Variants in MYH16 observed in about 807,000 individuals in gnomAD.
MYH16 encodes myosin heavy chain 16, also known as putative uncharacterized protein MYH16.
At chr7:99,304,489 C>T (rs1792652138) in intron 39 of MYH16, 97 bp from the exon 21 acceptor site, 2 of 152,304 alleles carry the variant, frequency 1.3e-5, no homozygotes, top group Admixed American at 6.5e-5. Context: ...AGTTGGTTTC[C>T]TAGAGACCGG....
chr7:99,294,944 G>T (rs1255592845), intron 33 of MYH16, among the ~76,000 whole-genome samples: 1 of 152,168 alleles, frequency 6.6e-6, no homozygotes, highest in Non-Finnish European at 1.5e-5. Flanking sequence ...GGAAGCTAAG[G>T]CATGAGGATC....
At chr7:99,278,932 C>T (rs1792156374) in intron 21 of MYH16, among the ~76,000 whole-genome samples, 1 of 152,174 alleles carries the variant, frequency 6.6e-6, no homozygotes, top group Non-Finnish European at 1.5e-5. Flanking sequence ...TGGCTCATGC[C>T]CATAAACCCA....
chr7:99,254,166 T>C (rs747317219), intron 8 of MYH16: 4 of 152,136 alleles, frequency 2.6e-5, no homozygotes, highest in Non-Finnish European at 5.9e-5. Context: ...GGAGAATCAG[T>C]TGAACCTGGG....
chr7:99,308,572 G>A (rs773107821), downstream of MYH16, among the ~76,000 whole-genome samples: 5 of 152,078 alleles, frequency 3.3e-5, no homozygotes, highest in African/African-American at 4.8e-5. Context: ...ACATGGTCCC[G>A]GGACCAGCAG....
intron 29 of MYH16, 81 bp from the exon 11 acceptor site, chr7:99,289,206 G>C: frequency 4.3e-6 from 1 of 230,968 alleles, no homozygotes; most frequent in East Asian, 1.6e-4. Flanking sequence ...GGAAGAACAG[G>C]GCAAAAATCA....
At chr7:99,260,306 T>C in exon 12 of MYH16, 1 of 1,477,760 alleles carries the variant, frequency 6.8e-7, no homozygotes, top group Non-Finnish European at 9.4e-7. Flanking sequence ...GGCCTCGACC[T>C]TCAGGCCTGC....
exon 38 of MYH16, chr7:99,301,667 C>G (rs957038793): frequency 1.3e-5 from 2 of 153,176 alleles, no homozygotes; most frequent in Admixed American, 1.3e-4. Context: ...GTACAACCTG[C>G]AGGAGCGGCG....
At chr7:99,281,099 C>T (rs1057453653) in intron 23 of MYH16, 119 bp downstream of exon 5, 1 of 196,838 alleles carries the variant, frequency 5.1e-6, no homozygotes, top group East Asian at 1.8e-4. Context: ...CAGCTTGGGG[C>T]CTTAGGGAAG....
Position 99,243,627 on chromosome 7 carries a change from C to T in MYH16, n.354+206C>T, listed in dbSNP as rs541562932. On this transcript the variant is annotated intron_variant and non_coding_transcript_variant, in intron 2 of 41. Coordinates refer to ENST00000439784, the Ensembl canonical transcript of MYH16. The stretch of plus-strand genomic sequence containing the variant: ...GGCATCTCAGTAATGGCACCATCTC[C>T]GTGAGCAGCTTTTGCTGAGGCTGTC... Among the ~76,000 whole-genome samples the T allele has an allele frequency of 3.9e-5, 6 of 152,304 alleles. No individual in the cohort carries two copies. In the East Asian group the frequency reaches 9.7e-4, roughly 25 times the overall value.
At chr7:99,239,311 G>A (rs181298237) in intron 1 of MYH16, among the ~76,000 whole-genome samples, 12 of 152,344 alleles carry the variant, frequency 7.9e-5, no homozygotes, top group African/African-American at 1.9e-4. Flanking sequence ...AGGGATGATC[G>A]TGAGAGTTAC....
intron 15 of MYH16, among the ~76,000 whole-genome samples, chr7:99,264,871 G>A (rs140930930): frequency 6.6e-6 from 1 of 152,116 alleles, no homozygotes; most frequent in Non-Finnish European, 1.5e-5. Flanking sequence ...TGCAAACCAC[G>A]GCCCCTTGAG....
At chr7:99,243,562 C>G (rs1791692435) in intron 2 of MYH16, 1 of 152,380 alleles carries the variant, frequency 6.6e-6, no homozygotes, top group African/African-American at 2.4e-5. Flanking sequence ...GGCACAGGGA[C>G]CACGTTTCTG....
intron 38 of MYH16, among the ~76,000 whole-genome samples, chr7:99,302,313 T>TAC (rs1792608251): frequency 5.5e-5 from 4 of 72,982 alleles, no homozygotes; most frequent in African/African-American, 2.0e-4. Flanking sequence ...AAAAAAAAAA[T>TAC]ATATACACAC....
chr7:99,301,726 G>A (rs765070427), exon 38 of MYH16: 2 of 152,998 alleles, frequency 1.3e-5, no homozygotes, highest in Non-Finnish European at 2.9e-5. Flanking sequence ...CAGCCCTGGA[G>A]GGCAGCGAGC....
chr7:99,271,572 T>C (rs1265415466), intron 19 of MYH16, among the ~76,000 whole-genome samples: 1 of 152,230 alleles, frequency 6.6e-6, no homozygotes, highest in African/African-American at 2.4e-5. Flanking sequence ...ACTGGGTGGC[T>C]TCAAACAACA....
chr7:99,254,894 G>A (rs1791853441), intron 8 of MYH16, among the ~76,000 whole-genome samples: 1 of 152,160 alleles, frequency 6.6e-6, no homozygotes, highest in Non-Finnish European at 1.5e-5. Context: ...CAGCACTTTG[G>A]GAGGCAAAGG....
chr7:99,275,054 A>C (rs975390914), intron 20 of MYH16, among the ~76,000 whole-genome samples: 9 of 151,976 alleles, frequency 5.9e-5, no homozygotes, highest in African/African-American at 2.2e-4. Flanking sequence ...GAGTGCAGTG[A>C]TGCAATCATA....
At chr7:99,261,011 G>A (rs1239062336) in intron 12 of MYH16, 1 of 152,130 alleles carries the variant, frequency 6.6e-6, no homozygotes, top group Non-Finnish European at 1.5e-5. Context: ...AGGTTGCAGT[G>A]AGCCGAGATT....
chr7:99,256,062 G>C (rs1791867824), intron 9 of MYH16, among the ~76,000 whole-genome samples: 2 of 151,892 alleles, frequency 1.3e-5, no homozygotes, highest in Non-Finnish European at 2.9e-5. Context: ...TGTGTACTAG[G>C]TTCTCTCTCC....
Sources: allele counts gnomAD v4.1 joint callset (sites outside exome capture counted in the v4.1 genomes callset), GRCh38; gene constraint gnomAD v4.1.1; transcripts MANE v1.5; gene names NCBI Gene and HGNC (gene_info 2026-07-23, HGNC 2026-07-21).